CREB3L2: variants seen among roughly 807,000 people sequenced by gnomAD.
CREB3L2 encodes the protein cAMP responsive element binding protein 3 like 2, also known as cyclic AMP-responsive element-binding protein 3-like protein 2.
A neutral mutation model predicts 57.2 loss-of-function variants in CREB3L2; 23 were observed. The observed-to-expected ratio is 0.40, with a 90% CI of 0.29 to 0.57. CREB3L2 has a LOEUF of 0.57. Among genes scored for constraint, CREB3L2 ranks in the 20% least tolerant of loss-of-function variants. The probability of loss-of-function intolerance (pLI) is 0.42; values close to 1 mark genes in which losing one functional copy is unlikely to be tolerated. For missense variants in CREB3L2, 628 were observed against 634.7 expected, an observed-to-expected ratio of 0.99 and a Z score of 0.11; for synonymous variants, 268 against 265.1, an observed-to-expected ratio of 1.01 and a Z score of -0.11.
intron 8 of CREB3L2, among the ~76,000 whole-genome samples, chr7:137,889,014 CT>C (rs1040297616): frequency 2.0e-5 from 3 of 149,458 alleles, no homozygotes; most frequent in African/African-American, 7.3e-5. Context: ...CCAACAATCC[CT>C]ATTGACCAGC....
chr7:137,948,962 A>G (rs558275533), intron 1 of CREB3L2, among the ~76,000 whole-genome samples: 1 of 152,348 alleles, frequency 6.6e-6, no homozygotes, highest in Admixed American at 6.5e-5. Context: ...CTTACACCAT[A>G]GGAGTCATCA....
At chr7:137,901,889 A>AAAAAAAAAAAG (rs1193862745) in intron 7 of CREB3L2, among the ~76,000 whole-genome samples, 40 of 148,720 alleles carry the variant, frequency 2.7e-4, no homozygotes, top group Non-Finnish European at 4.9e-4. Flanking sequence ...AAAAAAAAAA[A>AAAAAAAAAAAG]AAAGAAAAAT....
At chr7:137,957,819 G>T in intron 1 of CREB3L2, 1 of 1,274,490 alleles carries the variant, frequency 7.8e-7, no homozygotes, top group Non-Finnish European at 1.0e-6. Context: ...CTCTGCTAAG[G>T]TATTAATTCA....
chr7:137,988,080 A>T (rs1304966157), intron 1 of CREB3L2, among the ~76,000 whole-genome samples: 2 of 152,232 alleles, frequency 1.3e-5, no homozygotes, highest in Non-Finnish European at 2.9e-5. Context: ...AGTCTGAGGC[A>T]GAATTCTCCT....
chr7:137,905,819 C>T lies in CREB3L2; in HGVS notation c.798G>A (p.Leu266=). Residue 266 remains leucine, a synonymous_variant, in exon 6 of 12, where the codon CTG becomes CTA. Transcript: ENST00000330387. ...TCAGGGTCCTCTTCTCCTCCTCTGTCAGGACCAGAGGGCCTGATCCCTGCA... is the reference window on the plus strand; with the variant it reads ...TCAGGGTCCTCTTCTCCTCCTCTGTTAGGACCAGAGGGCCTGATCCCTGCA... ...HKLQGSGPLV[L]TEEEKRTLIA... is the part of the protein sequence containing the mutation. The T allele has an allele frequency of 6.2e-7, 1 of 1,613,942 alleles. No individual in the cohort carries two copies. Among genetic ancestry groups the T allele is most frequent in the Non-Finnish European group, 8.5e-7 (1 of 1,179,906 alleles).
At chr7:137,989,006 AAAAG>A (rs1801837296) in intron 1 of CREB3L2, among the ~76,000 whole-genome samples, 1 of 152,144 alleles carries the variant, frequency 6.6e-6, no homozygotes, top group Non-Finnish European at 1.5e-5. Flanking sequence ...AAGAAAAAAG[AAAAG>A]AAAGAGAGAA....
At chr7:137,897,624 A>G (rs1799655134) in intron 8 of CREB3L2, among the ~76,000 whole-genome samples, 1 of 152,114 alleles carries the variant, frequency 6.6e-6, no homozygotes, top group South Asian at 2.1e-4. Flanking sequence ...CGGCCTCCCA[A>G]AGTGCTAGGA....
intron 10 of CREB3L2, chr7:137,884,753 A>G: frequency 1.6e-6 from 1 of 612,912 alleles, no homozygotes; most frequent in Non-Finnish European, 2.9e-6. Flanking sequence ...CAGGGAACAC[A>G]GTCTAGAACA....
At chr7:137,913,506 C>CAAAAAAAA (rs33940093) in intron 3 of CREB3L2, among the ~76,000 whole-genome samples, 2 of 108,738 alleles carry the variant, frequency 1.8e-5, no homozygotes, top group Non-Finnish European at 3.8e-5. Context: ...GACCCTATCT[C>CAAAAAAAA]AAAAAAAAAA....
Position 137,882,556 on chromosome 7 carries a change from C to T in CREB3L2, c.1343G>A (p.Gly448Glu), listed in dbSNP as rs1424516366. The change falls in exon 11 of 12, where the codon GGG (glycine) becomes GAG (glutamate). Residue 448 changes from glycine to glutamate, a missense_variant. Transcript: ENST00000330387. ...ACCTCTATCCCAGCCCCCCAGCTCCCCAGCCGAGCCCGGGCTGGATGACTC... is the reference window on the plus strand; with the variant it reads ...ACCTCTATCCCAGCCCCCCAGCTCCTCAGCCGAGCCCGGGCTGGATGACTC... Reference protein sequence around the residue: ...PEESSSPGSAGELGGWDRGSS... With the variant: ...PEESSSPGSAEELGGWDRGSS... The T allele has an allele frequency of 1.2e-6, 2 of 1,613,712 alleles. No individual in the cohort carries two copies. The highest frequency in any genetic ancestry group is 1.7e-6 in the Non-Finnish European group (2 of 1,179,672).
chr7:137,905,327 C>CAT (rs1185529508), intron 6 of CREB3L2, among the ~76,000 whole-genome samples: 1 of 143,072 alleles, frequency 7.0e-6, no homozygotes, highest in Non-Finnish European at 1.5e-5. Context: ...ACATAGAGTA[C>CAT]ATATATATGT....
intron 5 of CREB3L2, among the ~76,000 whole-genome samples, chr7:137,906,391 A>C (rs2117206592): frequency 6.6e-6 from 1 of 152,358 alleles, no homozygotes; most frequent in Admixed American, 6.5e-5. Flanking sequence ...CAGAATGTCC[A>C]TCAACAATGA....
intron 1 of CREB3L2, among the ~76,000 whole-genome samples, chr7:137,943,611 G>T (rs1033917606): frequency 6.6e-5 from 10 of 152,100 alleles, no homozygotes; most frequent in African/African-American, 2.4e-4. Flanking sequence ...GAGGGAAATG[G>T]CACTAGACCA....
chr7:137,952,422 G>A (rs1563264005), intron 1 of CREB3L2, among the ~76,000 whole-genome samples: 1 of 152,098 alleles, frequency 6.6e-6, no homozygotes. Context: ...CAGGCTCTCA[G>A]CCTTTCAACT....
At position 137,882,416 on chromosome 7, in the gene CREB3L2, G is replaced by A. The variant is rs1420162411; in HGVS notation, c.1483C>T (p.His495Tyr). 6.2e-7 allele frequency: 1 copy of A among 1,611,716 alleles called. No individual in the cohort carries two copies. The highest frequency in any genetic ancestry group is 1.1e-5 in the South Asian group (1 of 90,834). The change falls in exon 11 of 12, where the codon CAC becomes TAC. Residue 495 changes from histidine to tyrosine, a missense_variant. Physicochemically the swap from His to Tyr is moderately conservative, Grantham distance 83. Transcript: ENST00000330387. ...CTCTGTGTCTCTATGACTCACAGGT[G>A]CTGCTGCAGCTCCAAAAGCACTGAC... The part of the protein sequence containing the change: ...EKSVLLELQQ[H>Y]LVSAKLEGNE...
chr7:137,927,409 A>AAGG (rs1800496868), intron 2 of CREB3L2, among the ~76,000 whole-genome samples: 1 of 137,588 alleles, frequency 7.3e-6, no homozygotes, highest in African/African-American at 2.8e-5. Flanking sequence ...GAAGGAAGGG[A>AAGG]AGGGAAGGGA....
At position 137,878,182 on chromosome 7, in the gene CREB3L2, TA is replaced by T. The variant is rs2117166090; in HGVS notation, c.*2293del. On this transcript the variant is annotated 3_prime_UTR_variant, in exon 12 of 12. Transcript: ENST00000330387. ...GGAGAAAATAAAATCCTCAAAGCACTAAGGACAGGGGCTAGAAGTTTCCTTT... is the reference window on the plus strand; with the variant it reads ...GGAGAAAATAAAATCCTCAAAGCACTAGGACAGGGGCTAGAAGTTTCCTTT... The T allele has an allele frequency of 8.6e-6, 2 of 231,694 alleles. No individual in the cohort carries two copies. The highest frequency in any genetic ancestry group is 1.2e-4 in the East Asian group (2 of 16,332). The allele number at this position is 231,694 out of a possible 1,614,324, so 14.4% of individuals were successfully genotyped here.
chr7:137,995,821 G>GT (rs1340060447), intron 1 of CREB3L2, among the ~76,000 whole-genome samples: 1 of 152,158 alleles, frequency 6.6e-6, no homozygotes, highest in African/African-American at 2.4e-5. Flanking sequence ...CATGAACACT[G>GT]TAACTCAGGG....
chr7:137,914,803 CAA>C (rs1397590815), intron 3 of CREB3L2, among the ~76,000 whole-genome samples: 1 of 152,180 alleles, frequency 6.6e-6, no homozygotes, highest in African/African-American at 2.4e-5. Context: ...GATGGACTGA[CAA>C]GGGAGTAAGC....
Sources: allele counts gnomAD v4.1 joint callset (sites outside exome capture counted in the v4.1 genomes callset), GRCh38; gene constraint gnomAD v4.1.1; transcripts MANE v1.5; gene names NCBI Gene and HGNC (gene_info 2026-07-23, HGNC 2026-07-21).